Variants in ABHD1 observed in about 807,000 individuals in gnomAD.
The protein encoded by ABHD1 is protein ABHD1.
In ABHD1, 47 loss-of-function variants were observed where a neutral mutation model predicts 41.4. The ratio of observed to expected loss-of-function variants is 1.13; its 90% CI spans 0.90 to 1.45. The LOEUF is 1.45. Ranked by LOEUF, ABHD1 falls within the 40% of genes most tolerant of loss-of-function variation. The pLI is 0.00. For synonymous variants in ABHD1, 205 were observed against 203.7 expected (o/e 1.01, Z -0.05); for missense variants, 550 against 503.4 (o/e 1.09, Z -0.89).
chr2:27,127,236 C>CTTTTTTTT (rs61505752), intron 1 of ABHD1, among the ~76,000 whole-genome samples: 1 of 82,712 alleles, frequency 1.2e-5, no homozygotes, highest in Non-Finnish European at 2.4e-5. Context: ...GTAGCTTCAT[C>CTTTTTTTT]TTTTTTTTTT....
chr2:27,125,223 G>C (rs1018193344), intron 1 of ABHD1: 5 of 151,802 alleles, frequency 3.3e-5, no homozygotes, highest in African/African-American at 1.2e-4. Flanking sequence ...TTATACATCA[G>C]ATTTGGAAGG....
intron 1 of ABHD1, 61 bp downstream of exon 1, chr2:27,124,123 C>T (rs771193388): frequency 6.8e-6 from 10 of 1,476,918 alleles, no homozygotes; most frequent in South Asian, 1.1e-5. Context: ...CTTCCAGACA[C>T]GGGCTTGGGC....
In ABHD1 at chr2:27,130,160, T is replaced by C; in HGVS notation, c.840+7T>C. On this transcript the variant is annotated splice_region_variant and intron_variant, in intron 7 of 8. Transcript: ENST00000316470. ...CATAGACTTTGTACTACAGGTATAA[T>C]ATTCAGCCATGCCCCTGGTTCCCCC... 2 of 1,614,212 alleles carry C rather than the reference T, an allele frequency of 1.2e-6. No individual in the cohort carries two copies. The highest frequency in any genetic ancestry group is 2.2e-5 in the East Asian group (1 of 44,888).
intron 1 of ABHD1, chr2:27,124,494 C>A (rs1014073859): frequency 5.6e-6 from 2 of 355,842 alleles, no homozygotes; most frequent in Non-Finnish European, 1.1e-5. Flanking sequence ...TAAGGGCTGG[C>A]TGAGGTCAGA....
rs34285690 is a variant in ABHD1, at chr2:27,129,666, C to CT, written c.617+47dup. On this transcript the variant is annotated intron_variant, in intron 5 of 8. Transcript: ENST00000316470. ...GGCTTAGCCCAGAGGCCCAGTCTTC[C>CT]TTTTTTTCCTCCTCCATGTCCCCTT... 3.2e-4 allele frequency: 514 copies of CT among 1,609,710 alleles called. 2 individuals carry two copies. Among genetic ancestry groups the CT allele is most frequent in the Admixed American group, 1.3e-4 (8 of 59,974 alleles).
chr2:27,126,121 G>A (rs1671946323), intron 1 of ABHD1: 1 of 152,228 alleles, frequency 6.6e-6, no homozygotes, highest in South Asian at 2.1e-4. Flanking sequence ...TCATGGAACT[G>A]TTATGAAAAT....
In ABHD1 at chr2:27,124,026, C is replaced by T. The variant is rs1248893006; in HGVS notation, c.78C>T (p.Ala26=). 6.2e-7 allele frequency: 1 copy of T among 1,614,076 alleles called. No individual in the cohort carries two copies. Among genetic ancestry groups the T allele is most frequent in the Non-Finnish European group, 8.5e-7 (1 of 1,180,042 alleles). ...CTCTGCTCTTGGCTCTTGCCGTTGC[C>T]CTCTACTTGGGCTACTACTGGGCAT... ...TFSLLLALAV[A]LYLGYYWACV... is the part of the protein sequence containing the mutation. Residue 26 remains alanine, a synonymous_variant, in exon 1 of 9, where the codon GCC becomes GCT. Transcript: ENST00000316470.
chr2:27,129,675 C>T (rs201418356), intron 5 of ABHD1, 49 bp downstream of exon 5: 51 of 1,609,252 alleles, frequency 3.2e-5, no homozygotes, highest in South Asian at 5.5e-5. Flanking sequence ...CCTTTTTTTC[C>T]TCCTCCATGT....
At position 27,130,567 on chromosome 2, in the gene ABHD1, C is replaced by G. The variant is rs375623791; in HGVS notation, c.1041C>G (p.Tyr347Ter). The change falls in exon 9 of 9, where the codon TAC becomes TAG. Residue 347 changes from tyrosine (Y) to a stop codon, truncating the protein, a stop_gained. Coordinates refer to ENST00000316470, the MANE Select transcript of ABHD1 (RefSeq NM_032604.4). LOFTEE classifies it low-confidence loss of function (END_TRUNC). ...LPIQAAQHSPYVALLITARGG... is the reference protein window; with the variant it reads ...LPIQAAQHSP ...TACAGGCCGCCCAACACTCCCCCTACGTTGCGCTGCTCATCACAGCCCGGG... is the reference window on the plus strand; with the variant it reads ...TACAGGCCGCCCAACACTCCCCCTAGGTTGCGCTGCTCATCACAGCCCGGG... The G allele has an allele frequency of 1.1e-5, 17 of 1,614,076 alleles. No individual in the cohort carries two copies. Among genetic ancestry groups the G allele is most frequent in the Non-Finnish European group, 1.4e-5 (17 of 1,180,046 alleles).
In ABHD1 at chr2:27,130,666, C is replaced by A. The variant is rs201724133; in HGVS notation, c.1140C>A (p.Tyr380Ter). The change falls in exon 9 of 9, where the codon TAC (tyrosine) becomes TAA (stop). Residue 380 changes from tyrosine (Y) to a stop codon, truncating the protein, a stop_gained. Transcript: ENST00000316470. LOFTEE classifies it low-confidence loss of function (END_TRUNC). Reference protein sequence around the residue: ...HWYMSRLLHQYAKAIFQDPEG... With the variant: ...HWYMSRLLHQ ...ACATGAGCCGCCTCTTGCATCAGTA[C>A]GCCAAAGCCATCTTCCAGGACCCAG... 3 of 1,614,228 alleles carry A rather than the reference C, an allele frequency of 1.9e-6. No homozygotes were observed. Among genetic ancestry groups the A allele is most frequent in the Admixed American group, 1.7e-5 (1 of 60,036 alleles).
chr2:27,130,317 AC>A lies in ABHD1; in HGVS notation c.909del (p.Tyr304ThrfsTer11). On this transcript the variant is annotated frameshift_variant, in exon 8 of 9. Coordinates refer to ENST00000316470, the MANE Select transcript of ABHD1 (RefSeq NM_032604.4). LOFTEE classifies it high-confidence loss of function. ...SVAFGYQDCV[T>X]YYKAASPRTK... ...GGCCTTTGGATATCAAGACTGTGTT[AC>A]CTACTACAAAGCAGCAAGCCCTAGA... 2 of 1,614,144 alleles carry A rather than the reference AC, an allele frequency of 1.2e-6. No homozygotes were observed. The highest frequency in any genetic ancestry group is 1.7e-6 in the Non-Finnish European group (2 of 1,180,014).
chr2:27,128,695 T>C lies in ABHD1; in HGVS notation c.275+94T>C, dbSNP rs1672080940. ...TAAAATGTAGGTAATCTGCCTCATCTACATCCCTGTGTTGAGGGTTCAATG... is the reference window on the plus strand; with the variant it reads ...TAAAATGTAGGTAATCTGCCTCATCCACATCCCTGTGTTGAGGGTTCAATG... On this transcript the variant is annotated intron_variant, in intron 2 of 8. Transcript: ENST00000316470. 3 of 1,516,398 alleles carry C rather than the reference T, an allele frequency of 2.0e-6. No homozygotes were observed. In the African/African-American group the frequency reaches 4.1e-5, roughly 21 times the overall value. 93.9% of individuals were successfully genotyped at this position (1,516,398 alleles called of 1,614,324 possible). A position where few individuals can be genotyped will look rare whatever the true frequency, so the allele number is the denominator to read the frequency against.
chr2:27,128,444 C>T lies in ABHD1; in HGVS notation c.118C>T (p.Pro40Ser), dbSNP rs780115059. ...GCAGACTGCTGTGTGATTACAGAGGCCTCGGCTGGTGGCTGGGCCGCAGTT... is the reference window on the plus strand; with the variant it reads ...GCAGACTGCTGTGTGATTACAGAGGTCTCGGCTGGTGGCTGGGCCGCAGTT... ...GYYWACVLQR[P>S]RLVAGPQFLA... Residue 40 changes from proline (P) to serine (S), a missense_variant, in exon 2 of 9, where the codon CCT (proline) becomes TCT (serine). Physicochemically the swap from Pro to Ser is moderately conservative, Grantham distance 74 (BLOSUM62 -1). Transcript: ENST00000316470. 3.1e-6 allele frequency: 5 copies of T among 1,613,944 alleles called. 2 individuals carry two copies. The South Asian group carries it at 5.5e-5, about 18-fold the overall frequency.
At chr2:27,124,485 A>G (rs112432000) in intron 1 of ABHD1, 100 of 356,562 alleles carry the variant, frequency 2.8e-4, no homozygotes, top group African/African-American at 1.8e-3. Context: ...CCCTTCCCTT[A>G]AGGGCTGGCT....
Position 27,129,745 on chromosome 2 carries a change from A to G in ABHD1, c.618-9A>G, listed in dbSNP as rs1319425143. The G allele has an allele frequency of 1.9e-6, 3 of 1,613,780 alleles. No individual in the cohort carries two copies. In the South Asian group the frequency reaches 3.3e-5, roughly 18 times the overall value. ...CCCTTCTTTCATGGTCCCTTGTCCAATTCCACAGGATACTGGTGCTGAATC... is the reference window on the plus strand; with the variant it reads ...CCCTTCTTTCATGGTCCCTTGTCCAGTTCCACAGGATACTGGTGCTGAATC... On this transcript the variant is annotated splice_polypyrimidine_tract_variant and intron_variant, in intron 5 of 8. Coordinates refer to ENST00000316470, the MANE Select transcript of ABHD1 (RefSeq NM_032604.4).
intron 1 of ABHD1, chr2:27,124,309 A>G (rs1671866428): frequency 3.3e-6 from 2 of 605,306 alleles, no homozygotes; most frequent in Admixed American, 4.3e-5. Context: ...ATTTGGGGAA[A>G]GGTGGGGTGG....
intron 1 of ABHD1, among the ~76,000 whole-genome samples, chr2:27,127,432 T>C (rs1672006817): frequency 6.9e-6 from 1 of 144,140 alleles, no homozygotes; most frequent in Non-Finnish European, 1.5e-5. Context: ...CGGGCGCCTG[T>C]AGTCCCAGCT....
At position 27,129,851 on chromosome 2, in the gene ABHD1, C is replaced by A; in HGVS notation, c.715C>A (p.Arg239Ser). 6 of 1,614,174 alleles carry A rather than the reference C, an allele frequency of 3.7e-6. No individual in the cohort carries two copies. The highest frequency in any genetic ancestry group is 5.1e-6 in the Non-Finnish European group (6 of 1,180,044). Reference protein sequence around the residue: ...SACWDSFETTRSLETPLNSLL... With the variant: ...SACWDSFETTSSLETPLNSLL... ...ATGCTGGGATTCCTTTGAGACCACT[C>A]GCTCCCTGGAAACCCCACTCAACTC... The change falls in exon 6 of 9, where the codon CGC becomes AGC. Residue 239 changes from arginine (R) to serine (S), a missense_variant. Transcript: ENST00000316470.
At chr2:27,126,397 A>G (rs1671955770) in intron 1 of ABHD1, 1 of 152,246 alleles carries the variant, frequency 6.6e-6, no homozygotes, top group African/African-American at 2.4e-5. Flanking sequence ...CTAGGGTCCA[A>G]AGTCACATCT....
Sources: gnomAD v4.1 joint callset for allele counts (sites outside exome capture counted in the v4.1 genomes callset) on GRCh38, gnomAD v4.1.1 for gene constraint, MANE v1.5 for transcripts, NCBI Gene and HGNC (gene_info 2026-07-23, HGNC 2026-07-21) for gene names.